Variants in BMP1 observed in about 807,000 individuals in gnomAD.
The protein encoded by BMP1 is bone morphogenetic protein 1, also known as mammalian tolloid protein.
In BMP1, 63 loss-of-function variants were observed where a neutral mutation model predicts 116.8. The ratio of observed to expected loss-of-function variants is 0.54; its 90% CI spans 0.44 to 0.67. The LOEUF (loss-of-function observed/expected upper bound fraction) is 0.67, where lower values mean the gene tolerates loss of function less well. BMP1 is among the 30% of genes least tolerant of loss of function. The probability of loss-of-function intolerance (pLI) is 0.00; values close to 1 mark genes in which losing one functional copy is unlikely to be tolerated. For missense variants in BMP1, 1,183 were observed against 1,358.9 expected (o/e 0.87, Z 2.04); for synonymous variants, 536 against 533.4 (o/e 1.00, Z -0.07).
intron 12 of BMP1, 151 bp from the exon 13 acceptor site, chr8:22,195,311 C>T (rs1829050089): frequency 1.1e-6 from 1 of 935,074 alleles, no homozygotes; most frequent in Non-Finnish European, 1.6e-6. Flanking sequence ...GAGACACCAG[C>T]CCAGTCCATG....
rs543792331 is a variant in BMP1 at position 22,201,563 on chromosome 8, G to A, written c.2108-240G>A. On this transcript the variant is annotated intron_variant, in intron 15 of 19. Transcript: ENST00000306385. ...AATGGTGACCCATGCTGGTCCGCTCGGACCCCCATCCTCCTCTCCCCACAG... is the reference window on the plus strand; with the variant it reads ...AATGGTGACCCATGCTGGTCCGCTCAGACCCCCATCCTCCTCTCCCCACAG... The A allele has an allele frequency of 2.9e-5, 41 of 1,411,446 alleles. No homozygotes were observed. The East Asian group carries it at 5.4e-4, about 19-fold the overall frequency. 87.4% of individuals were successfully genotyped at this position (1,411,446 alleles called of 1,614,324 possible). A position where few individuals can be genotyped will look rare whatever the true frequency, so the allele number is the denominator to read the frequency against.
chr8:22,172,074 G>C (rs916821775), intron 1 of BMP1, among the ~76,000 whole-genome samples: 1 of 152,226 alleles, frequency 6.6e-6, no homozygotes, highest in Non-Finnish European at 1.5e-5. Flanking sequence ...GTGTGTGTGT[G>C]TGTTCACCAG....
chr8:22,177,443 G>T, intron 5 of BMP1: 1 of 684,296 alleles, frequency 1.5e-6, no homozygotes, highest in South Asian at 1.6e-5. Context: ...CCTGGGGACT[G>T]CTCAGGCCTT....
At position 22,211,896 on chromosome 8, in the gene BMP1, C is replaced by T. The variant is rs760496797; in HGVS notation, c.*168C>T. On this transcript the variant is annotated 3_prime_UTR_variant, in exon 20 of 20. Transcript: ENST00000306385. ...CATAGGAGGTGGGGGAACTGGACTC[C>T]GGCATAAGCCACTTCCCCACAAACC... is the stretch of plus-strand genomic sequence containing the variant. The T allele has an allele frequency of 2.2e-5, 22 of 992,644 alleles. No individual in the cohort carries two copies. The highest frequency in any genetic ancestry group is 2.8e-5 in the Non-Finnish European group (19 of 689,984). 61.5% of individuals were successfully genotyped at this position (992,644 alleles called of 1,614,324 possible). A position where few individuals can be genotyped will look rare whatever the true frequency, so the allele number is the denominator to read the frequency against.
Position 22,209,332 on chromosome 8 carries a change from G to GT in BMP1, c.2576-112dup. On this transcript the variant is annotated intron_variant, in intron 18 of 19. Coordinates refer to ENST00000306385, the MANE Select transcript of BMP1 (RefSeq NM_006129.5). The stretch of plus-strand genomic sequence containing the variant: ...CCCCCACCCACCCATCACTGGCCTC[G>GT]TGGCCTTCACCCAGGCCTCCATCCT... 1.1e-5 allele frequency: 16 copies of GT among 1,504,156 alleles called. No individual in the cohort carries two copies. In the Middle Eastern group the frequency reaches 6.0e-4, roughly 57 times the overall value. The allele number at this position is 1,504,156 out of a possible 1,614,324, so 93.2% of individuals were successfully genotyped here. A position where few individuals can be genotyped will look rare whatever the true frequency, so the allele number is the denominator to read the frequency against.
At chr8:22,207,592 G>A in intron 18 of BMP1, 76 bp downstream of exon 18, 1 of 1,512,084 alleles carries the variant, frequency 6.6e-7, no homozygotes, top group Non-Finnish European at 9.0e-7. Context: ...TTTCAATGCG[G>A]GTATGAAGGT....
At chr8:22,207,155 C>T (rs1018285886) in intron 17 of BMP1, 148 bp from the exon 18 acceptor site, 40 of 1,374,670 alleles carry the variant, frequency 2.9e-5, no homozygotes, top group South Asian at 9.5e-5. Context: ...TCCCTGCCTT[C>T]GCCCTATTCC....
rs750828318 is a variant in BMP1, at chr8:22,209,707, A to G, written c.2826+12A>G. 1 of 1,545,080 alleles carries G rather than the reference A, an allele frequency of 6.5e-7. No individual in the cohort carries two copies. Among genetic ancestry groups the G allele is most frequent in the Non-Finnish European group, 8.8e-7 (1 of 1,138,934 alleles). ...ACTGTGGCTCAGGGGTGAGGCCCCC[A>G]CCCCTCGCCCTCCTGGCCCCATGCC... On this transcript the variant is annotated intron_variant, in intron 19 of 19. Coordinates refer to ENST00000306385, the MANE Select transcript of BMP1 (RefSeq NM_006129.5).
At chr8:22,173,120 G>T (rs1828329621) in intron 1 of BMP1, among the ~76,000 whole-genome samples, 2 of 152,106 alleles carry the variant, frequency 1.3e-5, no homozygotes. Context: ...AATAACTAGG[G>T]TATTGTCTGG....
Position 22,165,531 on chromosome 8 carries a change from C to G in BMP1, c.126C>G (p.Asn42Lys). The G allele has an allele frequency of 6.3e-7, 1 of 1,590,930 alleles. No individual in the cohort carries two copies. Among genetic ancestry groups the G allele is most frequent in the Non-Finnish European group, 8.5e-7 (1 of 1,170,954 alleles). ...LAEEDDSEPL[N>K]YKDPCKAAAF... ...AGGAGGACGACTCGGAGCCCCTCAA[C>G]TACAAAGACCCCTGCAAGGCGGGTG... Residue 42 changes from asparagine to lysine, a missense_variant, in exon 1 of 20, where the codon AAC (asparagine) becomes AAG (lysine). Coordinates refer to ENST00000306385, the MANE Select transcript of BMP1 (RefSeq NM_006129.5).
At chr8:22,207,576 C>T (rs1430183528) in intron 18 of BMP1, 60 bp downstream of exon 18, 17 of 1,578,746 alleles carry the variant, frequency 1.1e-5, no homozygotes, top group African/African-American at 2.7e-5. Flanking sequence ...GGGGTAGAGT[C>T]GGGGGTTTCA....
chr8:22,208,242 C>T (rs1829401457), intron 18 of BMP1, among the ~76,000 whole-genome samples: 1 of 152,206 alleles, frequency 6.6e-6, no homozygotes, highest in Admixed American at 6.5e-5. Context: ...AAATGCAGGT[C>T]CCAGAAACAG....
chr8:22,179,779 G>A lies in BMP1; in HGVS notation c.911G>A (p.Arg304Gln), dbSNP rs770440497. The change falls in exon 7 of 20, where the codon CGG becomes CAG. Residue 304 changes from arginine to glutamine, a missense_variant. By Grantham distance (43) the Arg-to-Gln change is conservative. Coordinates refer to ENST00000306385, the MANE Select transcript of BMP1 (RefSeq NM_006129.5). The surrounding 1 kb of genome is among the most constrained non-coding windows in gnomAD (Gnocchi z 4.6). ...AAACCTCCCATTGGCCAAAGGACACGGCTCAGCAAGGGGGACATTGCCCAA... is the reference window on the plus strand; with the variant it reads ...AAACCTCCCATTGGCCAAAGGACACAGCTCAGCAAGGGGGACATTGCCCAA... ...GVKPPIGQRT[R>Q]LSKGDIAQAR... The A allele has an allele frequency of 5.6e-6, 9 of 1,614,026 alleles. No homozygotes were observed. The highest frequency in any genetic ancestry group is 3.3e-5 in the Admixed American group (2 of 59,996).
intron 8 of BMP1, among the ~76,000 whole-genome samples, chr8:22,190,178 G>A (rs1828890917): frequency 6.6e-6 from 1 of 152,178 alleles, no homozygotes; most frequent in Non-Finnish European, 1.5e-5. Context: ...ACCTGCCTTG[G>A]CCTCCCAATG....
At chr8:22,178,223 A>G (rs574272147) in intron 6 of BMP1, among the ~76,000 whole-genome samples, 4 of 152,366 alleles carry the variant, frequency 2.6e-5, no homozygotes, top group Non-Finnish European at 5.9e-5. Context: ...CTGCAAGCCC[A>G]GCAGTGTGGG....
chr8:22,199,221 G>A (rs1248579911), intron 15 of BMP1: 3 of 1,367,568 alleles, frequency 2.2e-6, no homozygotes, highest in Non-Finnish European at 2.9e-6. Context: ...GGGCATCGAG[G>A]CTCAGCCCTC....
chr8:22,191,218 G>A (rs559146852), intron 8 of BMP1, among the ~76,000 whole-genome samples: 6 of 152,176 alleles, frequency 3.9e-5, no homozygotes, highest in Non-Finnish European at 7.3e-5. Flanking sequence ...CCCATTGCAC[G>A]CAGGACATAG....
chr8:22,208,813 T>C (rs1829410651), intron 18 of BMP1, among the ~76,000 whole-genome samples: 1 of 152,026 alleles, frequency 6.6e-6, no homozygotes, highest in African/African-American at 2.4e-5. Flanking sequence ...CCCCTTCAAC[T>C]CAGTCCCTGA....
In BMP1 at chr8:22,207,302, G is replaced by C; in HGVS notation, c.2362-1G>C. On this transcript the variant is annotated splice_acceptor_variant, in intron 17 of 19. Transcript: ENST00000306385. LOFTEE classifies it high-confidence loss of function. ...TCTGTGCTCCTTCCTCATCCCCCTA[G>C]ACCTTCATGGAGATGGACATCGAGT... 6.2e-7 allele frequency: 1 copy of C among 1,611,502 alleles called. No homozygotes were observed. The highest frequency in any genetic ancestry group is 8.5e-7 in the Non-Finnish European group (1 of 1,177,744).
Sources: allele counts gnomAD v4.1 joint callset (sites outside exome capture counted in the v4.1 genomes callset), GRCh38; gene constraint gnomAD v4.1.1; non-coding constraint Gnocchi (gnomAD v3.1); transcripts MANE v1.5; gene names NCBI Gene and HGNC (gene_info 2026-07-23, HGNC 2026-07-21).